The following DAB1 variants were observed in gnomAD, a reference collection of about 807,000 sequenced individuals.
DAB1 encodes the protein disabled homolog 1.
DAB1 carries 15 observed loss-of-function variants against 64.6 expected under a neutral mutation model. The ratio of observed to expected loss-of-function variants is 0.23; its 90% confidence interval spans 0.16 to 0.36. DAB1 has a LOEUF of 0.36. Ranked by LOEUF, DAB1 falls within the 10% of genes least tolerant of loss-of-function variation. DAB1 has a pLI of 1.00. For synonymous variants in DAB1, 235 were observed against 251.9 expected (o/e 0.93, Z 0.64); for missense variants, 596 against 706.7 (o/e 0.84, Z 1.78).
rs115510744 is a variant in DAB1, at chr1:57,318,967, C to G, written c.-136-27801G>C. On this transcript the variant is annotated intron_variant, in intron 1 of 14. Transcript: ENST00000371236. ...AACAGAAACACAGCCTCCATGTCCA[C>G]CTGTTTTGCTTTTGTTCCCCATTTC... 3.0e-3 allele frequency among the ~76,000 whole-genome samples: 464 copies of G among 152,228 alleles called. 1 individual carries two copies. The highest frequency in any genetic ancestry group is 0.01 in the African/African-American group (423 of 41,530).
chr1:58,167,486 A>G (rs1159765861), intron 4 of DAB1, among the ~76,000 whole-genome samples: 1 of 152,238 alleles, frequency 6.6e-6, no homozygotes, highest in Non-Finnish European at 1.5e-5. Context: ...TGCACCAATC[A>G]GCACTCTGTA....
intron 6 of DAB1, among the ~76,000 whole-genome samples, chr1:57,726,763 T>A (rs1647216760): frequency 6.6e-6 from 1 of 152,218 alleles, no homozygotes; most frequent in Admixed American, 6.5e-5. Context: ...GAGAATCATG[T>A]AGCTCAAAAG....
At chr1:57,930,306 T>G (rs1644936088) in intron 5 of DAB1, among the ~76,000 whole-genome samples, 1 of 152,252 alleles carries the variant, frequency 6.6e-6, no homozygotes, top group Non-Finnish European at 1.5e-5. Context: ...AGACTGGAAG[T>G]TGACAAGTGT....
Position 57,695,319 on chromosome 1 carries a change from A to G in DAB1, n.552-45654T>C, listed in dbSNP as rs1267609403. On this transcript the variant is annotated intron_variant and non_coding_transcript_variant, in intron 6 of 20. Transcript: ENST00000485760. ...GAGAAGGAAAGAAAGAAAGAAAGAA[A>G]GAAAGAAAGAAAGAAAGAAAGAAAG... Among the ~76,000 whole-genome samples the G allele has an allele frequency of 7.8e-5, 9 of 115,988 alleles. 1 individual carries two copies. The highest frequency in any genetic ancestry group is 2.9e-4 in the African/African-American group (9 of 31,296). 76.1% of individuals were successfully genotyped at this position (115,988 alleles called of 152,430 possible).
At chr1:58,030,868 A>G (rs1275764117) in intron 5 of DAB1, among the ~76,000 whole-genome samples, 1 of 152,252 alleles carries the variant, frequency 6.6e-6, no homozygotes, top group African/African-American at 2.4e-5. Context: ...ATGACTAGGC[A>G]TGGACGGCCT....
At chr1:57,431,142 AC>A (rs1412706662) in intron 7 of DAB1, among the ~76,000 whole-genome samples, 8 of 148,468 alleles carry the variant, frequency 5.4e-5, no homozygotes, top group African/African-American at 2.0e-4. Context: ...CAGGCCAAAA[AC>A]AAAAAAAAAA....
At chr1:58,171,171 T>C (rs184661179) in intron 4 of DAB1, among the ~76,000 whole-genome samples, 1,750 of 152,288 alleles carry the variant, frequency 0.011, 36 homozygotes, top group African/African-American at 0.04. Flanking sequence ...GGGAACAAGT[T>C]ACCCATTTGT....
At chr1:58,048,040 T>G (rs1647360661) in intron 5 of DAB1, 1 of 671,710 alleles carries the variant, frequency 1.5e-6, no homozygotes, top group Admixed American at 2.1e-5. Flanking sequence ...CATGAGTATT[T>G]GTCTAAAACA....
At chr1:57,884,016 G>C (rs905293526) in exon 1 of DAB1, 1 of 152,232 alleles carries the variant, frequency 6.6e-6, no homozygotes, top group African/African-American at 2.4e-5. Flanking sequence ...CTAGAAAACA[G>C]TTCAGTCAAT....
At chr1:58,086,585 G>A (rs1273124314) in intron 5 of DAB1, among the ~76,000 whole-genome samples, 1 of 151,864 alleles carries the variant, frequency 6.6e-6, no homozygotes, top group Non-Finnish European at 1.5e-5. Flanking sequence ...ACAAAGTTTT[G>A]AGCTTTTAAG....
chr1:57,067,538 C>T (rs181824502), intron 8 of DAB1, among the ~76,000 whole-genome samples: 13 of 152,234 alleles, frequency 8.5e-5, no homozygotes, highest in Admixed American at 5.9e-4. Context: ...AGAGTTGGCT[C>T]ACCATCAGCG....
intron 5 of DAB1, among the ~76,000 whole-genome samples, chr1:58,109,999 T>C (rs1161665606): frequency 6.6e-6 from 1 of 152,254 alleles, no homozygotes; most frequent in African/African-American, 2.4e-5. Flanking sequence ...GGTTGATTGG[T>C]CCTGGTCCAG....
At chr1:57,948,874 G>T (rs555669512) in intron 5 of DAB1, among the ~76,000 whole-genome samples, 1 of 152,212 alleles carries the variant, frequency 6.6e-6, no homozygotes, top group East Asian at 1.9e-4. Flanking sequence ...ATCAAGCCAG[G>T]CCTAAAGCCT....
At chr1:57,921,292 T>C (rs1180633857) in intron 5 of DAB1, among the ~76,000 whole-genome samples, 1 of 152,122 alleles carries the variant, frequency 6.6e-6, no homozygotes, top group Non-Finnish European at 1.5e-5. Context: ...TGGAAAAATA[T>C]GGAAGAGATT....
Position 57,987,873 on chromosome 1 carries a change from C to T in DAB1, n.388-103711G>A, listed in dbSNP as rs552874388. ...TTTTTTTTTTCAGGAAAACACTGGTCGGTTACTAATGGAGAAGAAGAAAAA... is the reference window on the plus strand; with the variant it reads ...TTTTTTTTTTCAGGAAAACACTGGTTGGTTACTAATGGAGAAGAAGAAAAA... On this transcript the variant is annotated intron_variant and non_coding_transcript_variant, in intron 5 of 20. Transcript: ENST00000485760. Among the ~76,000 whole-genome samples the T allele has an allele frequency of 1.0e-4, 15 of 149,738 alleles. 1 individual carries two copies. Among genetic ancestry groups the T allele is most frequent in the South Asian group, 4.2e-4 (2 of 4,742 alleles).
At chr1:58,163,179 A>C (rs990779311) in intron 4 of DAB1, among the ~76,000 whole-genome samples, 8 of 152,192 alleles carry the variant, frequency 5.3e-5, no homozygotes, top group African/African-American at 1.9e-4. Context: ...GCAGAGCCTA[A>C]GAGGGAGCCA....
At chr1:57,464,766 A>G (rs11207042) in intron 7 of DAB1, among the ~76,000 whole-genome samples, 1,539 of 152,286 alleles carry the variant, frequency 0.01, 23 homozygotes, top group African/African-American at 0.035. Flanking sequence ...CGATTGGTGA[A>G]TTGCACTAGT....
chr1:57,163,136 G>A (rs947816062), intron 2 of DAB1, among the ~76,000 whole-genome samples: 5 of 152,222 alleles, frequency 3.3e-5, no homozygotes, highest in Non-Finnish European at 5.9e-5. Flanking sequence ...GAGGGAGGAA[G>A]CTCCCGCTCT....
chr1:57,977,081 C>T (rs1645937988), intron 5 of DAB1, among the ~76,000 whole-genome samples: 1 of 152,184 alleles, frequency 6.6e-6, no homozygotes, highest in African/African-American at 2.4e-5. Context: ...TGGCTCCCCA[C>T]TGCCCTATCC....
Sources: gnomAD v4.1 joint callset for allele counts (sites outside exome capture counted in the v4.1 genomes callset) on GRCh38, gnomAD v4.1.1 for gene constraint, MANE v1.5 for transcripts, NCBI Gene and HGNC (gene_info 2026-07-23, HGNC 2026-07-21) for gene names.